ZNF221: variants seen among roughly 807,000 people sequenced by gnomAD.
The protein encoded by ZNF221 is zinc finger protein 221.
ZNF221 carries 10 observed loss-of-function variants against 12.6 expected under a neutral mutation model. That is an observed-to-expected ratio of 0.79 (90% CI 0.49 to 1.34). The LOEUF is 1.34. ZNF221 is among the 40% of genes most tolerant of loss of function. ZNF221 has a pLI of 0.00. For missense variants in ZNF221, 661 were observed against 721.4 expected, an observed-to-expected ratio of 0.92 and a Z score of 0.96; for synonymous variants, 232 against 244.0, an observed-to-expected ratio of 0.95 and a Z score of 0.46.
chr19:43,967,140 A>AT lies in ZNF221; in HGVS notation c.1641dup (p.Asn548Ter), dbSNP rs1171280464. 1.3e-6 allele frequency: 2 copies of AT among 1,592,748 alleles called. No individual in the cohort carries two copies. Among genetic ancestry groups the AT allele is most frequent in the Non-Finnish European group, 1.7e-6 (2 of 1,167,050 alleles). ...AGTGTGAGAAGGGGTACAACAGTAA[A>AT]TTTAATCTTGACATGCACCAGAGGG... On this transcript the variant is annotated frameshift_variant, in exon 5 of 5. Transcript: ENST00000587682. LOFTEE classifies it low-confidence loss of function (END_TRUNC).
chr19:43,959,919 G>A (rs1974816601), intron 1 of ZNF221, among the ~76,000 whole-genome samples: 2 of 152,126 alleles, frequency 1.3e-5, no homozygotes, highest in African/African-American at 4.8e-5. Flanking sequence ...AATGGGCAGA[G>A]GTTGGAAAAA....
intron 1 of ZNF221, among the ~76,000 whole-genome samples, chr19:43,959,394 G>A (rs1568475503): frequency 6.6e-6 from 1 of 152,222 alleles, no homozygotes; most frequent in Non-Finnish European, 1.5e-5. Context: ...ACTTGGTCAA[G>A]CATCAGAGTC....
rs754711744 is a variant in ZNF221, at chr19:43,966,941, G to T, written c.1439G>T (p.Cys480Phe). 1 of 1,614,198 alleles carries T rather than the reference G, an allele frequency of 6.2e-7. No individual in the cohort carries two copies. Among genetic ancestry groups the T allele is most frequent in the Non-Finnish European group, 8.5e-7 (1 of 1,180,048 alleles). ...RVHTGERPYN[C>F]KECGKSFGWA... ...CACACGGGTGAGAGACCCTATAATT[G>T]TAAGGAATGTGGCAAGAGCTTTGGC... is the stretch of plus-strand genomic sequence containing the variant. Residue 480 changes from cysteine (C) to phenylalanine (F), a missense_variant, in exon 5 of 5, where the codon TGT becomes TTT. Coordinates refer to ENST00000587682, the MANE Select transcript of ZNF221 (RefSeq NM_001297588.2).
At chr19:43,955,569 T>A (rs1356742446) in intron 1 of ZNF221, among the ~76,000 whole-genome samples, 2 of 151,964 alleles carry the variant, frequency 1.3e-5, no homozygotes, top group East Asian at 3.9e-4. Flanking sequence ...CACATGGGCA[T>A]CCCCTTTAAT....
chr19:43,973,108 C>T, the ZNF221 span, among the ~76,000 whole-genome samples: 9 of 152,270 alleles, frequency 5.9e-5, no homozygotes, highest in South Asian at 1.9e-3. Context: ...ATATGCAAAT[C>T]AATAAATGTG....
intron 4 of ZNF221, 112 bp from the exon 5 acceptor site, chr19:43,965,692 C>T (rs894578341): frequency 7.8e-5 from 79 of 1,017,766 alleles, no homozygotes; most frequent in Middle Eastern, 5.3e-4. Flanking sequence ...AAAACATGAA[C>T]TTAATGTTTC....
intron 1 of ZNF221, among the ~76,000 whole-genome samples, chr19:43,960,664 C>T (rs1050199587): frequency 1.3e-5 from 2 of 152,216 alleles, no homozygotes; most frequent in Non-Finnish European, 2.9e-5. Context: ...GCCCTGAATC[C>T]GGCCACTCTG....
chr19:43,960,720 G>A (rs1974829595), intron 1 of ZNF221, among the ~76,000 whole-genome samples: 1 of 152,230 alleles, frequency 6.6e-6, no homozygotes, highest in African/African-American at 2.4e-5. Flanking sequence ...CTGGGTTGCA[G>A]CTCCAGAGGG....
chr19:43,956,414 A>G (rs549613414), intron 1 of ZNF221, among the ~76,000 whole-genome samples: 2 of 152,306 alleles, frequency 1.3e-5, no homozygotes, highest in South Asian at 4.1e-4. Context: ...AAATAGTCCA[A>G]CTTTCATAAT....
chr19:43,966,667 A>G lies in ZNF221; in HGVS notation c.1165A>G (p.Thr389Ala). ...TTTTTGTAAGCATCAGATGGTCCAC[A>G]CAGGAGAGAAACCATATAATTGTAA... Reference protein sequence around the residue: ...RDFCKHQMVHTGEKPYNCKEC... With the variant: ...RDFCKHQMVHAGEKPYNCKEC... The change falls in exon 5 of 5, where the codon ACA becomes GCA. Residue 389 changes from threonine (T) to alanine (A), a missense_variant. By Grantham distance (58) the Thr-to-Ala change is moderately conservative. Coordinates refer to ENST00000587682, the MANE Select transcript of ZNF221 (RefSeq NM_001297588.2). 1 of 1,614,238 alleles carries G rather than the reference A, an allele frequency of 6.2e-7. No homozygotes were observed. The highest frequency in any genetic ancestry group is 8.5e-7 in the Non-Finnish European group (1 of 1,180,050).
intron 2 of ZNF221, among the ~76,000 whole-genome samples, 175 bp from the exon 3 acceptor site, chr19:43,964,775 C>A (rs1412020543): frequency 6.6e-6 from 1 of 152,188 alleles, no homozygotes; most frequent in Non-Finnish European, 1.5e-5. Flanking sequence ...TCATGAAAAT[C>A]TGCGTGTGTC....
Position 43,966,498 on chromosome 19 carries a change from C to T in ZNF221, c.996C>T (p.His332=). The change falls in exon 5 of 5, where the codon CAC becomes CAT. Residue 332 remains histidine (H), a synonymous_variant. Transcript: ENST00000587682. ...RSRLNRHSMV[H]TGEKPFRCDT... is the part of the protein sequence containing the mutation. ...GACTTAATAGGCATTCCATGGTTCACACAGGAGAAAAACCATTCAGATGTG... is the reference window on the plus strand; with the variant it reads ...GACTTAATAGGCATTCCATGGTTCATACAGGAGAAAAACCATTCAGATGTG... 1 of 1,614,128 alleles carries T rather than the reference C, an allele frequency of 6.2e-7. No individual in the cohort carries two copies. Among genetic ancestry groups the T allele is most frequent in the Non-Finnish European group, 8.5e-7 (1 of 1,180,024 alleles).
the ZNF221 span, among the ~76,000 whole-genome samples, chr19:43,974,521 C>G: frequency 6.6e-6 from 1 of 151,872 alleles, no homozygotes; most frequent in Admixed American, 6.6e-5. Context: ...ATATCCAGAG[C>G]CTACAAGGAA....
At chr19:43,970,347 G>GC (rs1361579794), downstream of ZNF221, among the ~76,000 whole-genome samples, 2 of 152,150 alleles carry the variant, frequency 1.3e-5, no homozygotes, top group Admixed American at 1.3e-4. Flanking sequence ...AACTCAAAAA[G>GC]CCAGAGCGCC....
chr19:43,959,475 G>A (rs1974809507), intron 1 of ZNF221, among the ~76,000 whole-genome samples: 1 of 152,212 alleles, frequency 6.6e-6, no homozygotes, highest in Non-Finnish European at 1.5e-5. Context: ...AGTGTTGGAG[G>A]TGGGGCCTAG....
intron 4 of ZNF221, 28 bp downstream of exon 4, chr19:43,965,353 G>A (rs775333125): frequency 1.9e-6 from 3 of 1,570,978 alleles, no homozygotes; most frequent in East Asian, 2.2e-5. Context: ...GTGCATCCTT[G>A]TACATGACTC....
downstream of ZNF221, among the ~76,000 whole-genome samples, chr19:43,972,630 A>G (rs1174909173): frequency 1.3e-5 from 2 of 152,056 alleles, no homozygotes; most frequent in African/African-American, 4.8e-5. Context: ...ACCTCTCTGC[A>G]CATAAACTAG....
the ZNF221 span, chr19:43,978,784 G>T: frequency 6.6e-6 from 1 of 151,966 alleles, no homozygotes; most frequent in African/African-American, 2.4e-5. Flanking sequence ...TTGAAATTGG[G>T]TACATTATTA....
intron 2 of ZNF221, among the ~76,000 whole-genome samples, chr19:43,963,841 A>G (rs1384123143): frequency 6.6e-6 from 1 of 152,216 alleles, no homozygotes; most frequent in African/African-American, 2.4e-5. Flanking sequence ...TACCGAAACC[A>G]TGGGAATATT....
Sources: gnomAD v4.1 joint callset for allele counts (sites outside exome capture counted in the v4.1 genomes callset) on GRCh38, gnomAD v4.1.1 for gene constraint, MANE v1.5 for transcripts, NCBI Gene and HGNC (gene_info 2026-07-23, HGNC 2026-07-21) for gene names.